Variants in THBS1 observed in about 807,000 individuals in gnomAD.
The protein encoded by THBS1 is thrombospondin-1.
Under a neutral mutation model 126.1 loss-of-function variants are expected in THBS1, and 29 were observed. The observed-to-expected ratio is 0.23, with a 90% CI of 0.17 to 0.31. The LOEUF is 0.31. Ranked by LOEUF, THBS1 falls within the 10% of genes least tolerant of loss-of-function variation. THBS1 has a pLI of 1.00. For missense variants in THBS1, 1,198 were observed against 1,545.2 expected (o/e 0.78, Z 3.77); for synonymous variants, 496 against 577.8 (o/e 0.86, Z 2.03).
In THBS1 at chr15:39,584,006, C is replaced by G. The variant is rs1235055047; in HGVS notation, c.722C>G (p.Thr241Ser). 13 of 1,614,200 alleles carry G rather than the reference C, an allele frequency of 8.1e-6. No individual in the cohort carries two copies. Among genetic ancestry groups the G allele is most frequent in the Non-Finnish European group, 1.0e-5 (12 of 1,180,032 alleles). ...GCSSSTSVLL[T>S]LDNNVVNGSS... ...TTGCCAGCTACCAGTGTCCTCCTCA[C>G]CCTTGACAACAACGTGGTGAATGGT... The change falls in exon 5 of 22, where the codon ACC becomes AGC. Residue 241 changes from threonine (T) to serine (S), a missense_variant. Transcript: ENST00000260356.
chr15:39,583,800 GATC>G (rs1890157102), intron 4 of THBS1, 108 bp downstream of exon 4: 6 of 1,315,758 alleles, frequency 4.6e-6, no homozygotes, highest in East Asian at 2.3e-5. Context: ...CCCCCAGTGA[GATC>G]ATCAAGAGGC....
At chr15:39,583,790 C>T (rs550548187) in intron 4 of THBS1, 98 bp downstream of exon 4, 5 of 1,361,768 alleles carry the variant, frequency 3.7e-6, no homozygotes, top group Non-Finnish European at 5.2e-6. Context: ...ACATAAATTA[C>T]CCCCAGTGAG....
Position 39,590,621 on chromosome 15 carries a change from A to C in THBS1, c.2251A>C (p.Arg751=). ...DDDNDKIPDD[R]DNCPFHYNPA... ...TGACAATGATAAAATTCCAGATGACAGGGTAAAAACAGTTTTCTATCCCTT... is the reference window on the plus strand; with the variant it reads ...TGACAATGATAAAATTCCAGATGACCGGGTAAAAACAGTTTTCTATCCCTT... Residue 751 remains arginine, a splice_region_variant and synonymous_variant, in exon 14 of 22, where the codon AGG becomes CGG. Coordinates refer to ENST00000260356, the MANE Select transcript of THBS1 (RefSeq NM_003246.4). The C allele has an allele frequency of 6.2e-7, 1 of 1,613,314 alleles. No homozygotes were observed. The highest frequency in any genetic ancestry group is 2.2e-5 in the East Asian group (1 of 44,864).
rs891845175 is a variant in THBS1 at position 39,597,515 on chromosome 15, A to C, written c.*2146A>C. On this transcript the variant is annotated 3_prime_UTR_variant, in exon 22 of 22. Coordinates refer to ENST00000260356, the MANE Select transcript of THBS1 (RefSeq NM_003246.4). ...GTTCTCTACTGGCTTTATGTCATGA[A>C]GTATATGCGTAAATACCATTCATAA... The C allele has an allele frequency of 6.6e-6, 1 of 152,146 alleles. No individual in the cohort carries two copies. Among genetic ancestry groups the C allele is most frequent in the Non-Finnish European group, 1.5e-5 (1 of 68,026 alleles). The allele number at this position is 152,146 out of a possible 1,614,324, so 9.4% of individuals were successfully genotyped here.
rs1890172501 is a variant in THBS1 at position 39,584,410 on chromosome 15, G to T, written c.1014G>T (p.Glu338Asp). 3 of 1,614,094 alleles carry T rather than the reference G, an allele frequency of 1.9e-6. No individual in the cohort carries two copies. The highest frequency in any genetic ancestry group is 1.6e-4 in the Middle Eastern group (1 of 6,080). Reference sequence around the variant, plus strand: ...AATGGACTGTTGATAGCTGCACTGAGTGTCACTGTCAGGTAAGGGACCTTC... The same window carrying T: ...AATGGACTGTTGATAGCTGCACTGATTGTCACTGTCAGGTAAGGGACCTTC... ...NEEWTVDSCT[E>D]CHCQNSVTIC... Residue 338 changes from glutamate to aspartate, a missense_variant, in exon 6 of 22, where the codon GAG (glutamate) becomes GAT (aspartate). By Grantham distance (45) the Glu-to-Asp change is conservative (BLOSUM62 2). Coordinates refer to ENST00000260356, the MANE Select transcript of THBS1 (RefSeq NM_003246.4).
intron 2 of THBS1, 54 bp from the exon 3 acceptor site, chr15:39,582,139 C>G (rs1356792681): frequency 3.3e-6 from 5 of 1,536,412 alleles, no homozygotes; most frequent in Admixed American, 1.9e-5. Flanking sequence ...ACTCAGCCCC[C>G]TACTGCTGGT....
rs1301174406 is a variant in THBS1 at position 39,582,834 on chromosome 15, T to C, written c.627+82T>C. On this transcript the variant is annotated intron_variant, in intron 3 of 21. Transcript: ENST00000260356. The stretch of plus-strand genomic sequence containing the variant: ...GCCAGGAGGGCTACAGGAAATCCTG[T>C]CTGTAAACTAACGCAGCAGTTCTCA... 9 of 1,433,494 alleles carry C rather than the reference T, an allele frequency of 6.3e-6. No homozygotes were observed. The African/African-American group carries it at 1.3e-4, about 20-fold the overall frequency. The allele number at this position is 1,433,494 out of a possible 1,614,324, so 88.8% of individuals were successfully genotyped here. A position where few individuals can be genotyped will look rare whatever the true frequency, so the allele number is the denominator to read the frequency against.
rs1389935356 is a variant in THBS1, at chr15:39,596,522, A to C, written c.*1153A>C. 1 of 152,246 alleles carries C rather than the reference A, an allele frequency of 6.6e-6. No individual in the cohort carries two copies. Among genetic ancestry groups the C allele is most frequent in the Non-Finnish European group, 1.5e-5 (1 of 68,074 alleles). 9.4% of individuals were successfully genotyped at this position (152,246 alleles called of 1,614,324 possible). On this transcript the variant is annotated 3_prime_UTR_variant, in exon 22 of 22. Transcript: ENST00000260356. ...GATTGTAAATACAGATTATTTATTA[A>C]CTCTGTTCTGCCTGGAAATTTAGGC...
intron 14 of THBS1, 80 bp downstream of exon 14, chr15:39,590,703 A>T: frequency 9.1e-7 from 1 of 1,093,490 alleles, no homozygotes; most frequent in East Asian, 2.4e-5. Flanking sequence ...AGGAAATTAC[A>T]TGGCTATAGC....
rs554262679 is a variant in THBS1 at position 39,584,598 on chromosome 15, T to G, written c.1026+176T>G. ...CATCTATAAGTTCTTCTTTAAACTC[T>G]CAGATGGTTTATCAAAGTATTAATT... On this transcript the variant is annotated intron_variant, in intron 6 of 21. Transcript: ENST00000260356. Among the ~76,000 whole-genome samples the G allele has an allele frequency of 1.1e-4, 17 of 152,292 alleles. No individual in the cohort carries two copies. In the South Asian group the frequency reaches 3.5e-3, roughly 32 times the overall value.
Position 39,591,556 on chromosome 15 carries a change from G to A in THBS1, c.2465G>A (p.Arg822Lys). 2 of 1,614,224 alleles carry A rather than the reference G, an allele frequency of 1.2e-6. No homozygotes were observed. Among genetic ancestry groups the A allele is most frequent in the Non-Finnish European group, 8.5e-7 (1 of 1,180,050 alleles). Reference protein sequence around the residue: ...NCQYVYNVDQRDTDMDGVGDQ... With the variant: ...NCQYVYNVDQKDTDMDGVGDQ... The stretch of plus-strand genomic sequence containing the variant: ...CAGTACGTCTACAATGTGGACCAGA[G>A]AGACACTGATATGGATGGGGTTGGA... Residue 822 changes from arginine to lysine, a missense_variant, in exon 16 of 22, where the codon AGA becomes AAA. Coordinates refer to ENST00000260356, the MANE Select transcript of THBS1 (RefSeq NM_003246.4).
chr15:39,596,321 A>C lies in THBS1; in HGVS notation c.*952A>C, dbSNP rs934535744. 1 of 154,596 alleles carries C rather than the reference A, an allele frequency of 6.5e-6. No homozygotes were observed. Among genetic ancestry groups the C allele is most frequent in the Non-Finnish European group, 1.4e-5 (1 of 69,638 alleles). The allele number at this position is 154,596 out of a possible 1,614,324, so 9.6% of individuals were successfully genotyped here. A position where few individuals can be genotyped will look rare whatever the true frequency, so the allele number is the denominator to read the frequency against. ...TTCCTTTTCTCTTTTTTCCTGAATT[A>C]TCATGGAGTTTTCTAATTCTCTCTT... On this transcript the variant is annotated 3_prime_UTR_variant, in exon 22 of 22. Transcript: ENST00000260356.
Position 39,595,594 on chromosome 15 carries a change from A to G in THBS1, c.*225A>G. On this transcript the variant is annotated 3_prime_UTR_variant, in exon 22 of 22. Coordinates refer to ENST00000260356, the MANE Select transcript of THBS1 (RefSeq NM_003246.4). Reference sequence around the variant, plus strand: ...CCAATGAATAAGACATCTTCCAAGCATATAAACAATTGCTTTGGTTTCCTT... The same window carrying G: ...CCAATGAATAAGACATCTTCCAAGCGTATAAACAATTGCTTTGGTTTCCTT... 1.6e-6 allele frequency: 1 copy of G among 642,182 alleles called. No homozygotes were observed. The highest frequency in any genetic ancestry group is 2.8e-6 in the Non-Finnish European group (1 of 354,612). 39.8% of individuals were successfully genotyped at this position (642,182 alleles called of 1,614,324 possible).
rs1211978156 is a variant in THBS1, at chr15:39,595,511, A to G, written c.*142A>G. 2 of 1,118,008 alleles carry G rather than the reference A, an allele frequency of 1.8e-6. No individual in the cohort carries two copies. The highest frequency in any genetic ancestry group is 5.3e-5 in the Admixed American group (2 of 37,494). 69.3% of individuals were successfully genotyped at this position (1,118,008 alleles called of 1,614,324 possible). On this transcript the variant is annotated 3_prime_UTR_variant, in exon 22 of 22. Transcript: ENST00000260356. ...TGCTTGCATCAGTGTGGACTCCTAG[A>G]ACGTGCGACCTGCCTCAAGAAAATG...
intron 1 of THBS1, chr15:39,581,559 C>T (rs1595505401): frequency 5.4e-6 from 2 of 373,334 alleles, no homozygotes; most frequent in East Asian, 9.0e-5. Context: ...CCTGATCTTG[C>T]TCACCTTCGA....
intron 1 of THBS1, 187 bp from the exon 2 acceptor site, chr15:39,581,642 C>CTCTCTCTT (rs896661864): frequency 3.0e-6 from 1 of 331,242 alleles, no homozygotes; most frequent in African/African-American, 2.2e-5. Flanking sequence ...TCCTCCACCT[C>CTCTCTCTT]TCTCTCTCTC....
At position 39,589,963 on chromosome 15, in the gene THBS1, G is replaced by A. The variant is rs776843970; in HGVS notation, c.2085G>A (p.Leu695=). 100 of 1,613,756 alleles carry A rather than the reference G, an allele frequency of 6.2e-5. 1 individual carries two copies. In the South Asian group the frequency reaches 1.0e-3, roughly 16 times the overall value. The stretch of plus-strand genomic sequence containing the variant: ...TCATCTGCGGGGAGGACACAGACCT[G>A]GATGGCTGGCCCAATGAGAACCTGG... ...NGIICGEDTD[L]DGWPNENLVC... Residue 695 remains leucine, a synonymous_variant, in exon 13 of 22, where the codon CTG becomes CTA. Transcript: ENST00000260356. This position sits in a 1 kb window ranked among gnomAD's most constrained non-coding sequence, Gnocchi z 4.7.
rs1000333344 is a variant in THBS1, at chr15:39,598,366, G to A, written c.*2997G>A. ...ATGTAAATTGCCAAATCATTTTATA[G>A]TACCAAGGTGAAGAAGCAGGAACTA... On this transcript the variant is annotated 3_prime_UTR_variant, in exon 22 of 22. Transcript: ENST00000260356. 1.3e-5 allele frequency: 2 copies of A among 152,198 alleles called. No individual in the cohort carries two copies. Among genetic ancestry groups the A allele is most frequent in the African/African-American group, 4.8e-5 (2 of 41,442 alleles). The allele number at this position is 152,198 out of a possible 1,614,324, so 9.4% of individuals were successfully genotyped here. A position where few individuals can be genotyped will look rare whatever the true frequency, so the allele number is the denominator to read the frequency against.
chr15:39,595,460 C>G lies in THBS1; in HGVS notation c.*91C>G. 6.9e-7 allele frequency: 1 copy of G among 1,449,920 alleles called. No individual in the cohort carries two copies. Among genetic ancestry groups the G allele is most frequent in the East Asian group, 2.3e-5 (1 of 42,674 alleles). The allele number at this position is 1,449,920 out of a possible 1,614,324, so 89.8% of individuals were successfully genotyped here. A position where few individuals can be genotyped will look rare whatever the true frequency, so the allele number is the denominator to read the frequency against. The stretch of plus-strand genomic sequence containing the variant: ...GGGCTTGAGAAAACCCCCAGGATCA[C>G]TTCTCCTTGGCTTCCTTCTTTTCTG... On this transcript the variant is annotated 3_prime_UTR_variant, in exon 22 of 22. Coordinates refer to ENST00000260356, the MANE Select transcript of THBS1 (RefSeq NM_003246.4).
Sources: gnomAD v4.1 joint callset for allele counts (sites outside exome capture counted in the v4.1 genomes callset) on GRCh38, gnomAD v4.1.1 for gene constraint, Gnocchi (gnomAD v3.1) non-coding constraint, MANE v1.5 for transcripts, NCBI Gene and HGNC (gene_info 2026-07-23, HGNC 2026-07-21) for gene names.